The following MBNL2 variants were observed in gnomAD, a reference collection of about 807,000 sequenced individuals.
MBNL2 encodes the protein muscleblind like splicing regulator 2, also known as muscleblind-like protein 2.
MBNL2 carries 17 observed loss-of-function variants against 41.9 expected under a neutral mutation model. The ratio of observed to expected loss-of-function variants is 0.41; its 90% CI spans 0.28 to 0.61. The LOEUF (loss-of-function observed/expected upper bound fraction) is 0.61, where lower values mean the gene tolerates loss of function less well. Ranked by LOEUF, MBNL2 falls within the 20% of genes least tolerant of loss-of-function variation. The pLI, the probability that MBNL2 is intolerant of heterozygous loss-of-function variation, is 0.35. For missense variants in MBNL2, 336 were observed against 505.6 expected, an observed-to-expected ratio of 0.66 and a Z score of 3.22; for synonymous variants, 195 against 182.9, an observed-to-expected ratio of 1.07 and a Z score of -0.53.
At chr13:97,190,348 C>G in the MBNL2 span, among the ~76,000 whole-genome samples, 4 of 152,340 alleles carry the variant, frequency 2.6e-5, no homozygotes, top group South Asian at 2.1e-4. Context: ...TGGCACACCA[C>G]AGTTTGTTTG....
rs115848502 is a variant in MBNL2, at chr13:97,339,883, C to T, written c.340-3133C>T. Among the ~76,000 whole-genome samples the T allele has an allele frequency of 5.0e-4, 64 of 128,872 alleles. 1 individual carries two copies. Among genetic ancestry groups the T allele is most frequent in the Non-Finnish European group, 6.9e-4 (43 of 62,558 alleles). The allele number at this position is 128,872 out of a possible 152,430, so 84.5% of individuals were successfully genotyped here. On this transcript the variant is annotated intron_variant, in intron 3 of 8. Transcript: ENST00000679496. The stretch of plus-strand genomic sequence containing the variant: ...CTGATTTGTGTGTGGGCGGGGGGGG[C>T]GTTGTTTTTCCTCTTTTGTTTTAAG...
intron 1 of MBNL2, among the ~76,000 whole-genome samples, chr13:97,250,233 T>C (rs1444901765): frequency 6.6e-6 from 1 of 152,228 alleles, no homozygotes; most frequent in Non-Finnish European, 1.5e-5. Context: ...CTCTATATTG[T>C]GTAAAAAAAA....
intron 2 of MBNL2, among the ~76,000 whole-genome samples, chr13:97,306,141 C>T (rs2058098984): frequency 6.6e-6 from 1 of 152,116 alleles, no homozygotes; most frequent in South Asian, 2.1e-4. Context: ...ACTTCCTCTC[C>T]TCTTTCCCCA....
intron 1 of MBNL2, among the ~76,000 whole-genome samples, chr13:97,275,111 G>T (rs2051918194): frequency 6.6e-6 from 1 of 152,114 alleles, no homozygotes; most frequent in African/African-American, 2.4e-5. Flanking sequence ...GAAGTATTAA[G>T]ATACCTGAGA....
intron 8 of MBNL2, among the ~76,000 whole-genome samples, chr13:97,387,693 T>C (rs190178174): frequency 6.6e-6 from 1 of 152,348 alleles, no homozygotes; most frequent in Admixed American, 6.5e-5. Context: ...AAACTCATGC[T>C]GGTTTGTGCA....
At chr13:97,207,917 T>C in the MBNL2 span, among the ~76,000 whole-genome samples, 5 of 152,214 alleles carry the variant, frequency 3.3e-5, no homozygotes, top group Non-Finnish European at 7.3e-5. Context: ...ACAGGCCCCA[T>C]GCAAGTTTGA....
chr13:97,169,778 A>G, the MBNL2 span, among the ~76,000 whole-genome samples: 1 of 152,180 alleles, frequency 6.6e-6, no homozygotes, highest in Non-Finnish European at 1.5e-5. Flanking sequence ...GTATGCTTAA[A>G]AGGAGCTCCA....
intron 2 of MBNL2, among the ~76,000 whole-genome samples, chr13:97,329,796 A>G (rs1264211774): frequency 2.6e-5 from 4 of 151,470 alleles, no homozygotes; most frequent in Non-Finnish European, 5.9e-5. Context: ...CAATACATAT[A>G]ATACATACAA....
chr13:97,236,994 A>G (rs1177402950), intron 1 of MBNL2, among the ~76,000 whole-genome samples: 1 of 152,160 alleles, frequency 6.6e-6, no homozygotes, highest in Non-Finnish European at 1.5e-5. Context: ...AGCAGATGAC[A>G]AAGCCCTTTG....
chr13:97,348,074 A>ATTTTTT (rs71692187), intron 5 of MBNL2, among the ~76,000 whole-genome samples: 2 of 120,314 alleles, frequency 1.7e-5, no homozygotes, highest in African/African-American at 6.2e-5. Flanking sequence ...GGGCAGTGGG[A>ATTTTTT]TTTTTTTTTT....
intron 2 of MBNL2, among the ~76,000 whole-genome samples, chr13:97,329,162 A>G (rs2060160889): frequency 6.6e-6 from 1 of 152,166 alleles, no homozygotes; most frequent in South Asian, 2.1e-4. Context: ...AATAAAATTA[A>G]TTCAGCTTGA....
chr13:97,311,803 G>C (rs1323443534), intron 2 of MBNL2, among the ~76,000 whole-genome samples: 1 of 152,148 alleles, frequency 6.6e-6, no homozygotes, highest in Non-Finnish European at 1.5e-5. Context: ...ACGTCCAACA[G>C]TCCTCTCTCC....
At chr13:97,352,210 T>C (rs2062562120) in intron 5 of MBNL2, among the ~76,000 whole-genome samples, 1 of 152,184 alleles carries the variant, frequency 6.6e-6, no homozygotes, top group African/African-American at 2.4e-5. Flanking sequence ...CACTTTTAAT[T>C]TCCTTCAAGA....
chr13:97,324,268 G>A (rs2059734661), intron 2 of MBNL2, among the ~76,000 whole-genome samples: 1 of 152,108 alleles, frequency 6.6e-6, no homozygotes, highest in African/African-American at 2.4e-5. Context: ...AATATCACAG[G>A]GCTTGGCACA....
intron 1 of MBNL2, among the ~76,000 whole-genome samples, chr13:97,233,004 A>T (rs2042618004): frequency 6.6e-6 from 1 of 150,490 alleles, no homozygotes; most frequent in African/African-American, 2.5e-5. Context: ...TTCCAAAGTG[A>T]AATGTTTGTG....
chr13:97,252,094 C>T (rs1157264120), intron 1 of MBNL2, among the ~76,000 whole-genome samples: 16 of 151,848 alleles, frequency 1.1e-4, no homozygotes, highest in African/African-American at 3.9e-4. Flanking sequence ...TCATGATCCA[C>T]CCGCCTCGGC....
chr13:97,200,555 T>C, the MBNL2 span, among the ~76,000 whole-genome samples: 4 of 152,332 alleles, frequency 2.6e-5, no homozygotes, highest in East Asian at 7.7e-4. Context: ...TTAATAGTCA[T>C]TGGACAACAA....
intron 2 of MBNL2, among the ~76,000 whole-genome samples, chr13:97,301,010 C>T (rs979636721): frequency 5.3e-5 from 8 of 152,160 alleles, no homozygotes; most frequent in Admixed American, 5.2e-4. Flanking sequence ...ACATCTGTGT[C>T]AGAACAGATG....
chr13:97,221,599 T>C (rs2040864121), upstream of MBNL2: 1 of 152,156 alleles, frequency 6.6e-6, no homozygotes, highest in African/African-American at 2.4e-5. Flanking sequence ...GCATCTAAGA[T>C]GGTTAAAGCA....
Sources: allele counts gnomAD v4.1 joint callset (sites outside exome capture counted in the v4.1 genomes callset), GRCh38; gene constraint gnomAD v4.1.1; transcripts MANE v1.5; gene names NCBI Gene and HGNC (gene_info 2026-07-23, HGNC 2026-07-21).